CACNG2: variants seen among roughly 807,000 people sequenced by gnomAD.
CACNG2 encodes the protein voltage-dependent calcium channel gamma-2 subunit.
In CACNG2, 3 loss-of-function variants were observed where a neutral mutation model predicts 25.9. That is an observed-to-expected ratio of 0.12 (90% confidence interval 0.05 to 0.30). CACNG2 has a LOEUF of 0.30. CACNG2 is among the 10% of genes least tolerant of loss of function. CACNG2 has a pLI of 1.00. For missense variants in CACNG2, 341 were observed against 432.5 expected, an observed-to-expected ratio of 0.79 and a Z score of 1.88; for synonymous variants, 167 against 173.3, an observed-to-expected ratio of 0.96 and a Z score of 0.29.
chr22:36,700,695 G>A (rs1043343539), intron 1 of CACNG2, among the ~76,000 whole-genome samples: 1 of 152,234 alleles, frequency 6.6e-6, no homozygotes, highest in South Asian at 2.1e-4. Flanking sequence ...TTAAGGAGGG[G>A]GCGTGTGTGT....
At chr22:36,598,664 G>A (rs763333126) in intron 1 of CACNG2, among the ~76,000 whole-genome samples, 10 of 150,252 alleles carry the variant, frequency 6.7e-5, no homozygotes, top group African/African-American at 2.0e-4. Context: ...ACAAACAAAC[G>A]AACAAACAAA....
rs886658121 is a variant in CACNG2, at chr22:36,641,946, A to G, written c.212-54398T>C. 1.1e-4 allele frequency among the ~76,000 whole-genome samples: 17 copies of G among 152,346 alleles called. No individual in the cohort carries two copies. In the Middle Eastern group the frequency reaches 0.017, roughly 152 times the overall value. On this transcript the variant is annotated intron_variant, in intron 1 of 3. Transcript: ENST00000300105. ...GTGTTTATTCCCAGGGAGACTTCCAATGTGAGATCCTTCTAACAAGACCAG... is the reference window on the plus strand; with the variant it reads ...GTGTTTATTCCCAGGGAGACTTCCAGTGTGAGATCCTTCTAACAAGACCAG...
chr22:36,655,715 C>CTTTTT (rs1472839120), intron 1 of CACNG2, among the ~76,000 whole-genome samples: 2 of 132,902 alleles, frequency 1.5e-5, no homozygotes, highest in African/African-American at 8.1e-5. Flanking sequence ...TTCTCTTTCT[C>CTTTTT]TTTCTTTCTT....
intron 1 of CACNG2, among the ~76,000 whole-genome samples, chr22:36,682,410 G>A (rs184037762): frequency 7.2e-5 from 11 of 152,254 alleles, no homozygotes; most frequent in Non-Finnish European, 1.2e-4. Flanking sequence ...GTGCTCAATA[G>A]GTAGTGTTTT....
chr22:36,562,718 G>A lies in CACNG2; in HGVS notation c.*1633C>T, dbSNP rs2145900888. 1 of 152,590 alleles carries A rather than the reference G, an allele frequency of 6.6e-6. No individual in the cohort carries two copies. Among genetic ancestry groups the A allele is most frequent in the African/African-American group, 2.4e-5 (1 of 41,544 alleles). The allele number at this position is 152,590 out of a possible 1,614,324, so 9.5% of individuals were successfully genotyped here. A position where few individuals can be genotyped will look rare whatever the true frequency, so the allele number is the denominator to read the frequency against. On this transcript the variant is annotated 3_prime_UTR_variant, in exon 4 of 4. Coordinates refer to ENST00000300105, the MANE Select transcript of CACNG2 (RefSeq NM_006078.5). ...GCTGGGCTAAGTGGACTGTGTATGT[G>A]TGTGTGAACGTGCCTGTGTGCGTGT...
Position 36,567,103 on chromosome 22 carries a change from T to C in CACNG2, c.296-610A>G, listed in dbSNP as rs559104017. ...GCTGCAGCATTTATTAGCTGTGCAA[T>C]AGAAAAAGTATCTCACCTCTGTGTG... On this transcript the variant is annotated intron_variant, in intron 2 of 3. Transcript: ENST00000300105. Among the ~76,000 whole-genome samples, 13 of 152,274 alleles carry C rather than the reference T, an allele frequency of 8.5e-5. No individual in the cohort carries two copies. The South Asian group carries it at 1.5e-3, about 17-fold the overall frequency.
intron 1 of CACNG2, among the ~76,000 whole-genome samples, chr22:36,681,099 T>C (rs2146003768): frequency 6.6e-6 from 1 of 152,336 alleles, no homozygotes; most frequent in South Asian, 2.1e-4. Flanking sequence ...AAGATCTATC[T>C]ATCATCTATC....
At chr22:36,612,198 G>C (rs953187133) in intron 1 of CACNG2, among the ~76,000 whole-genome samples, 13 of 152,100 alleles carry the variant, frequency 8.5e-5, no homozygotes, top group Non-Finnish European at 1.5e-4. Context: ...CATGACCTCG[G>C]GTAAGACATG....
At chr22:36,654,814 G>A (rs1392485229) in intron 1 of CACNG2, among the ~76,000 whole-genome samples, 1 of 152,132 alleles carries the variant, frequency 6.6e-6, no homozygotes, top group East Asian at 1.9e-4. Context: ...TCTAGTTATC[G>A]AAAACAAGTT....
At chr22:36,640,613 T>A (rs1288958705) in intron 1 of CACNG2, among the ~76,000 whole-genome samples, 1 of 152,202 alleles carries the variant, frequency 6.6e-6, no homozygotes, top group East Asian at 1.9e-4. Context: ...TAAGACCCAC[T>A]GCAGAAGGTA....
chr22:36,690,220 A>T (rs1261002274), intron 1 of CACNG2, among the ~76,000 whole-genome samples: 1 of 152,198 alleles, frequency 6.6e-6, no homozygotes, highest in Non-Finnish European at 1.5e-5. Context: ...GCAGCCATGT[A>T]AGCCACGTAA....
chr22:36,631,131 C>T (rs2145958212), intron 1 of CACNG2, among the ~76,000 whole-genome samples: 1 of 152,216 alleles, frequency 6.6e-6, no homozygotes, highest in African/African-American at 2.4e-5. Context: ...ACCCGGCCCT[C>T]TTGAGCTCTT....
At chr22:36,664,241 T>G (rs1569045129) in intron 1 of CACNG2, among the ~76,000 whole-genome samples, 1 of 152,064 alleles carries the variant, frequency 6.6e-6, no homozygotes, top group East Asian at 1.9e-4. Flanking sequence ...CACACACCCA[T>G]ACACACACGC....
In CACNG2 at chr22:36,598,567, G is replaced by A. The variant is rs1256105947; in HGVS notation, c.212-11019C>T. Among the ~76,000 whole-genome samples, 6 of 151,050 alleles carry A rather than the reference G, an allele frequency of 4.0e-5. No homozygotes were observed. In the East Asian group the frequency reaches 1.2e-3, roughly 30 times the overall value. On this transcript the variant is annotated intron_variant, in intron 1 of 3. Coordinates refer to ENST00000300105, the MANE Select transcript of CACNG2 (RefSeq NM_006078.5). ...CAGGAGGCAGAGGTTGCAGTGAGCCGAGATTGTGCCATTGTACTCCAGCCT... is the reference window on the plus strand; with the variant it reads ...CAGGAGGCAGAGGTTGCAGTGAGCCAAGATTGTGCCATTGTACTCCAGCCT...
At chr22:36,630,716 A>G (rs1280586146) in intron 1 of CACNG2, among the ~76,000 whole-genome samples, 1 of 151,878 alleles carries the variant, frequency 6.6e-6, no homozygotes, top group South Asian at 2.1e-4. Flanking sequence ...TTTGCATGGA[A>G]GGATGTGGTG....
intron 1 of CACNG2, among the ~76,000 whole-genome samples, chr22:36,598,484 G>A (rs1199735887): frequency 6.6e-6 from 1 of 151,598 alleles, no homozygotes; most frequent in Non-Finnish European, 1.5e-5. Flanking sequence ...CGGGCTTGGT[G>A]GCGGGGGCCT....
Position 36,566,373 on chromosome 22 carries a change from C to A in CACNG2, c.416G>T (p.Gly139Val). 6.2e-7 allele frequency: 1 copy of A among 1,614,092 alleles called. No individual in the cohort carries two copies. The highest frequency in any genetic ancestry group is 1.7e-5 in the Admixed American group (1 of 60,024). ...KTRHNIILSA[G>V]IFFVSAGLSN... ...GTTACCTGCAGACACGAAGAAGATG[C>A]CGGCACTCAGGATGATGTTGTGTCG... The change falls in exon 3 of 4, where the codon GGC becomes GTC. Residue 139 changes from glycine to valine, a missense_variant. Coordinates refer to ENST00000300105, the MANE Select transcript of CACNG2 (RefSeq NM_006078.5).
intron 1 of CACNG2, among the ~76,000 whole-genome samples, chr22:36,622,519 T>C (rs1278640325): frequency 6.6e-6 from 1 of 152,196 alleles, no homozygotes; most frequent in Non-Finnish European, 1.5e-5. Flanking sequence ...TAGCAACATA[T>C]GTAACACAAG....
At chr22:36,690,921 G>A (rs1937260708) in intron 1 of CACNG2, among the ~76,000 whole-genome samples, 1 of 152,240 alleles carries the variant, frequency 6.6e-6, no homozygotes, top group Admixed American at 6.5e-5. Flanking sequence ...TCATTGCTTT[G>A]TGATGGGGCC....
Sources: allele counts gnomAD v4.1 joint callset (sites outside exome capture counted in the v4.1 genomes callset), GRCh38; gene constraint gnomAD v4.1.1; transcripts MANE v1.5; gene names NCBI Gene and HGNC (gene_info 2026-07-23, HGNC 2026-07-21).